Variants in HEMK2 observed in about 807,000 individuals in gnomAD.
HEMK2 encodes methyltransferase HEMK2.
chr21:28,617,270 A>T, the HEMK2 span, among the ~76,000 whole-genome samples: 1 of 152,218 alleles, frequency 6.6e-6, no homozygotes, highest in Non-Finnish European at 1.5e-5. Flanking sequence ...GAGAAACTGA[A>T]GCACATCTGG....
chr21:28,721,019 G>A, the HEMK2 span, among the ~76,000 whole-genome samples: 1 of 152,184 alleles, frequency 6.6e-6, no homozygotes, highest in Admixed American at 6.5e-5. Flanking sequence ...GCTCAGTATA[G>A]TAGCTACCAG....
chr21:28,627,012 A>G, the HEMK2 span, among the ~76,000 whole-genome samples: 1 of 152,230 alleles, frequency 6.6e-6, no homozygotes, highest in Non-Finnish European at 1.5e-5. Flanking sequence ...CTGAATGAAT[A>G]TGCCAATTGT....
chr21:28,740,886 A>G, the HEMK2 span, among the ~76,000 whole-genome samples: 1 of 152,046 alleles, frequency 6.6e-6, no homozygotes, highest in Non-Finnish European at 1.5e-5. Flanking sequence ...ACTATGGATA[A>G]GTATGTTAAT....
chr21:28,659,339 G>T, the HEMK2 span, among the ~76,000 whole-genome samples: 2 of 152,086 alleles, frequency 1.3e-5, no homozygotes, highest in Non-Finnish European at 2.9e-5. Flanking sequence ...AGAGCATTTT[G>T]TTCCAAATGG....
chr21:28,819,563 T>TTC, the HEMK2 span, among the ~76,000 whole-genome samples: 48 of 147,906 alleles, frequency 3.2e-4, no homozygotes, highest in Non-Finnish European at 1.3e-4. Flanking sequence ...TTTTTTTTTT[T>TTC]CAGACAGAGT....
chr21:28,607,460 ATGT>A, the HEMK2 span, among the ~76,000 whole-genome samples: 1 of 152,170 alleles, frequency 6.6e-6, no homozygotes, highest in Non-Finnish European at 1.5e-5. Context: ...AATAAATAAA[ATGT>A]TGTTGAGGAA....
the HEMK2 span, among the ~76,000 whole-genome samples, chr21:28,836,807 G>C: frequency 4.3e-5 from 6 of 138,422 alleles, no homozygotes; most frequent in African/African-American, 1.2e-4. Flanking sequence ...AAAGTAAAGC[G>C]GTTAAAAAAA....
chr21:28,733,123 C>CA, the HEMK2 span, among the ~76,000 whole-genome samples: 1 of 151,894 alleles, frequency 6.6e-6, no homozygotes, highest in African/African-American at 2.4e-5. Flanking sequence ...ACTAAAAATA[C>CA]AAAAAATTAG....
chr21:28,577,646 C>A, the HEMK2 span, among the ~76,000 whole-genome samples: 1 of 152,128 alleles, frequency 6.6e-6, no homozygotes, highest in African/African-American at 2.4e-5. Flanking sequence ...GCAGGTTTCC[C>A]AGCTACATTT....
At chr21:28,661,203 T>C in the HEMK2 span, among the ~76,000 whole-genome samples, 1 of 152,108 alleles carries the variant, frequency 6.6e-6, no homozygotes, top group African/African-American at 2.4e-5. Flanking sequence ...TCTAATTAAT[T>C]TATGGTATCT....
chr21:28,575,688 T>C, the HEMK2 span, among the ~76,000 whole-genome samples: 20 of 152,178 alleles, frequency 1.3e-4, no homozygotes, highest in Non-Finnish European at 2.4e-4. Context: ...TTTTGACAAA[T>C]GTATATCCCC....
the HEMK2 span, among the ~76,000 whole-genome samples, chr21:28,837,565 C>T: frequency 6.6e-6 from 1 of 152,092 alleles, no homozygotes; most frequent in Non-Finnish European, 1.5e-5. Context: ...GGAAAGTTCA[C>T]ATCCCTAAAC....
chr21:28,868,976 AT>A, the HEMK2 span, among the ~76,000 whole-genome samples: 2,987 of 143,530 alleles, frequency 0.021, 55 homozygotes, highest in African/African-American at 0.058. Context: ...TTTCCCTTTC[AT>A]TTTTTTTTTT....
At chr21:28,730,970 T>A in the HEMK2 span, among the ~76,000 whole-genome samples, 3 of 150,836 alleles carry the variant, frequency 2.0e-5, no homozygotes, top group East Asian at 2.0e-4. Flanking sequence ...CTCTACCCCA[T>A]CCCAGCAGGA....
chr21:28,623,454 T>C, the HEMK2 span, among the ~76,000 whole-genome samples: 1 of 152,110 alleles, frequency 6.6e-6, no homozygotes, highest in Non-Finnish European at 1.5e-5. Flanking sequence ...AAACCAGAAA[T>C]ATCATTTCAC....
the HEMK2 span, among the ~76,000 whole-genome samples, chr21:28,772,010 G>A: frequency 1.3e-5 from 2 of 152,054 alleles, no homozygotes; most frequent in African/African-American, 2.4e-5. Flanking sequence ...CTTGATGCCA[G>A]CCTGAAATCC....
the HEMK2 span, among the ~76,000 whole-genome samples, chr21:28,620,740 C>T: frequency 0.011 from 1,439 of 131,480 alleles, 27 homozygotes; most frequent in African/African-American, 0.041. Context: ...GTGGTGTAAT[C>T]GGGGCTCACT....
At chr21:28,843,545 G>A in the HEMK2 span, among the ~76,000 whole-genome samples, 1 of 152,112 alleles carries the variant, frequency 6.6e-6, no homozygotes, top group Admixed American at 6.5e-5. Flanking sequence ...GACATACTCA[G>A]TAATAACAAA....
chr21:28,816,096 A>C, the HEMK2 span, among the ~76,000 whole-genome samples: 1 of 152,224 alleles, frequency 6.6e-6, no homozygotes, highest in African/African-American at 2.4e-5. Flanking sequence ...TCTGAAGACA[A>C]GAAGAGAGGC....
Sources: gnomAD v4.1 joint callset for allele counts (sites outside exome capture counted in the v4.1 genomes callset) on GRCh38, gnomAD v4.1.1 for gene constraint, MANE v1.5 for transcripts, NCBI Gene and HGNC (gene_info 2026-07-23, HGNC 2026-07-21) for gene names.